Variants in CAPZB observed in about 807,000 individuals in gnomAD.
The protein encoded by CAPZB is F-actin-capping protein subunit beta.
Under a neutral mutation model 38.1 loss-of-function variants are expected in CAPZB, and 2 were observed. The ratio of observed to expected loss-of-function variants is 0.05; its 90% CI spans 0.02 to 0.17. The LOEUF is 0.17. CAPZB is among the 10% of genes least tolerant of loss of function. CAPZB has a pLI of 1.00. For missense variants in CAPZB, 161 were observed against 334.2 expected (o/e 0.48, Z 4.04); for synonymous variants, 107 against 127.4 (o/e 0.84, Z 1.08).
At chr1:19,409,271 C>T (rs1398592570) in intron 2 of CAPZB, among the ~76,000 whole-genome samples, 1 of 152,040 alleles carries the variant, frequency 6.6e-6, no homozygotes, top group Non-Finnish European at 1.5e-5. Flanking sequence ...GCCCTTTATC[C>T]CTCAAGAGAC....
chr1:19,446,901 T>C (rs2094497807), intron 1 of CAPZB, among the ~76,000 whole-genome samples: 1 of 152,236 alleles, frequency 6.6e-6, no homozygotes, highest in Admixed American at 6.5e-5. Flanking sequence ...CATCACATGA[T>C]TTCAGTCTCT....
intron 1 of CAPZB, among the ~76,000 whole-genome samples, chr1:19,421,630 A>T (rs1281959844): frequency 2.0e-5 from 3 of 152,250 alleles, no homozygotes; most frequent in Non-Finnish European, 4.4e-5. Context: ...CACTGGCATG[A>T]GAGGAAATTT....
At chr1:19,369,362 C>T (rs2094108088) in intron 4 of CAPZB, among the ~76,000 whole-genome samples, 1 of 152,252 alleles carries the variant, frequency 6.6e-6, no homozygotes, top group African/African-American at 2.4e-5. Flanking sequence ...CAGCTGTACC[C>T]CTCCAAAGCT....
At position 19,485,386 on chromosome 1, in the gene CAPZB, C is replaced by T. The variant is rs2094647836; in HGVS notation, c.3+50G>A. The T allele has an allele frequency of 5.9e-6, 7 of 1,195,476 alleles. No homozygotes were observed. The South Asian group carries it at 3.0e-4, about 50-fold the overall frequency. The allele number at this position is 1,195,476 out of a possible 1,614,324, so 74.1% of individuals were successfully genotyped here. ...AGGGATGGGCAGGGGGAGGGGGACG[C>T]GAGCTCCGGAGGGGCCCCCGGGCCG... On this transcript the variant is annotated intron_variant, in intron 1 of 8. Coordinates refer to ENST00000264202, the MANE Select transcript of CAPZB (RefSeq NM_004930.5).
chr1:19,475,310 T>C (rs1285525645), intron 1 of CAPZB, among the ~76,000 whole-genome samples: 1 of 152,180 alleles, frequency 6.6e-6, no homozygotes, highest in Non-Finnish European at 1.5e-5. Context: ...CCAGGCTCTC[T>C]GGCTCCAGAG....
intron 1 of CAPZB, among the ~76,000 whole-genome samples, chr1:19,484,873 A>T (rs2094645343): frequency 6.6e-6 from 1 of 152,008 alleles, no homozygotes; most frequent in South Asian, 2.1e-4. Context: ...AGAAGAGGAG[A>T]TTCAGGCTGA....
chr1:19,413,964 C>T (rs1429428618), intron 2 of CAPZB, among the ~76,000 whole-genome samples: 1 of 152,214 alleles, frequency 6.6e-6, no homozygotes, highest in Non-Finnish European at 1.5e-5. Context: ...CACTGCTTAG[C>T]AGACATCAGA....
chr1:19,348,771 G>A (rs910614125), intron 6 of CAPZB, among the ~76,000 whole-genome samples: 25 of 38,580 alleles, frequency 6.5e-4, no homozygotes, highest in Admixed American at 2.1e-3. Context: ...GGGGGGGGGC[G>A]GTCTAGGTGA....
chr1:19,407,984 G>A (rs745802062), intron 2 of CAPZB, among the ~76,000 whole-genome samples: 8 of 152,166 alleles, frequency 5.3e-5, no homozygotes, highest in Admixed American at 2.6e-4. Flanking sequence ...TGGGTGGGGG[G>A]CCGTGGCATT....
intron 1 of CAPZB, among the ~76,000 whole-genome samples, chr1:19,420,592 T>G (rs1322785981): frequency 2.7e-5 from 4 of 148,558 alleles, no homozygotes; most frequent in Non-Finnish European, 5.9e-5. Context: ...AATTTTGTAG[T>G]TTTTTTTGGG....
chr1:19,381,180 C>CAA (rs201642565), intron 3 of CAPZB, among the ~76,000 whole-genome samples: 4 of 149,342 alleles, frequency 2.7e-5, no homozygotes, highest in African/African-American at 4.9e-5. Flanking sequence ...GGGAAACAAA[C>CAA]AAAAAAAAAT....
At chr1:19,400,638 A>G (rs2094298406) in intron 2 of CAPZB, among the ~76,000 whole-genome samples, 1 of 152,146 alleles carries the variant, frequency 6.6e-6, no homozygotes, top group Non-Finnish European at 1.5e-5. Context: ...AGAGGGCAGG[A>G]TCTAACTTAA....
chr1:19,387,895 C>T (rs943859184), intron 2 of CAPZB, among the ~76,000 whole-genome samples: 10 of 152,230 alleles, frequency 6.6e-5, no homozygotes, highest in African/African-American at 2.2e-4. Context: ...CTGCCTGACA[C>T]GTTCAGGTTC....
At position 19,485,441 on chromosome 1, in the gene CAPZB, T is replaced by TGGC. The variant is rs1025858391; in HGVS notation, c.-6_-4dup. 4.7e-5 allele frequency: 58 copies of TGGC among 1,228,416 alleles called. No individual in the cohort carries two copies. The highest frequency in any genetic ancestry group is 2.5e-4 in the South Asian group (6 of 24,296). The allele number at this position is 1,228,416 out of a possible 1,614,324, so 76.1% of individuals were successfully genotyped here. ...GGGGGCCGTGCGGCCTTTACCATGG[T>TGGC]GGCGGCGGCGGCGGCGGTCCCGGTC... On this transcript the variant is annotated 5_prime_UTR_variant, in exon 1 of 9. Coordinates refer to ENST00000264202, the MANE Select transcript of CAPZB (RefSeq NM_004930.5).
chr1:19,401,962 C>A (rs1399109527), intron 2 of CAPZB, among the ~76,000 whole-genome samples: 1 of 152,166 alleles, frequency 6.6e-6, no homozygotes, highest in African/African-American at 2.4e-5. Flanking sequence ...GAGTTTGGAG[C>A]ACAGACTCTT....
chr1:19,372,545 G>A (rs1015132003), intron 4 of CAPZB, among the ~76,000 whole-genome samples: 5 of 152,174 alleles, frequency 3.3e-5, no homozygotes, highest in African/African-American at 7.2e-5. Context: ...CCCACTGGTC[G>A]CTCACACCAG....
intron 1 of CAPZB, among the ~76,000 whole-genome samples, chr1:19,432,252 G>A (rs1419818397): frequency 6.6e-6 from 1 of 151,350 alleles, no homozygotes; most frequent in Admixed American, 6.6e-5. Context: ...GACTAGCCTG[G>A]AGAACATGGC....
intron 2 of CAPZB, among the ~76,000 whole-genome samples, chr1:19,395,805 T>C (rs72959325): frequency 0.052 from 7,903 of 152,238 alleles, 683 homozygotes; most frequent in African/African-American, 0.18. Context: ...AAGCACAACA[T>C]ACAAAACCAC....
chr1:19,437,302 T>C (rs1269493223), intron 1 of CAPZB, among the ~76,000 whole-genome samples: 3 of 152,002 alleles, frequency 2.0e-5, no homozygotes, highest in African/African-American at 7.3e-5. Flanking sequence ...AGGGAGAAAT[T>C]TGAGAAGGTG....
Sources: gnomAD v4.1 joint callset for allele counts (sites outside exome capture counted in the v4.1 genomes callset) on GRCh38, gnomAD v4.1.1 for gene constraint, MANE v1.5 for transcripts, NCBI Gene and HGNC (gene_info 2026-07-23, HGNC 2026-07-21) for gene names.